The following SLC4A4 variants were observed in gnomAD, a reference collection of about 807,000 sequenced individuals.
SLC4A4 encodes the protein solute carrier family 4 member 4, also known as electrogenic sodium bicarbonate cotransporter 1.
In SLC4A4, 27 loss-of-function variants were observed where a neutral mutation model predicts 111.5. The ratio of observed to expected loss-of-function variants is 0.24; its 90% CI spans 0.18 to 0.33. The LOEUF (loss-of-function observed/expected upper bound fraction) is 0.33, where lower values mean the gene tolerates loss of function less well. Among genes scored for constraint, SLC4A4 ranks in the 10% least tolerant of loss-of-function variants. The probability of loss-of-function intolerance (pLI) is 1.00; values close to 1 mark genes in which losing one functional copy is unlikely to be tolerated. For synonymous variants in SLC4A4, 443 were observed against 463.4 expected (o/e 0.96, Z 0.57); for missense variants, 909 against 1,315.5 (o/e 0.69, Z 4.78).
intron 4 of SLC4A4, among the ~76,000 whole-genome samples, chr4:71,346,150 C>CT (rs918005547): frequency 1.3e-5 from 2 of 151,636 alleles, no homozygotes; most frequent in Non-Finnish European, 2.9e-5. Flanking sequence ...CCCAGTGGGT[C>CT]TTTTTTTTCT....
chr4:71,138,887 T>C (rs991671216), intron 2 of SLC4A4, among the ~76,000 whole-genome samples: 1 of 151,846 alleles, frequency 6.6e-6, no homozygotes, highest in Admixed American at 6.6e-5. Flanking sequence ...ATATAAAAAA[T>C]TAGCCAGGCG....
chr4:71,122,032 C>T (rs570083537), intron 2 of SLC4A4, among the ~76,000 whole-genome samples: 5 of 152,196 alleles, frequency 3.3e-5, no homozygotes, highest in African/African-American at 7.2e-5. Context: ...CTGAAGCCAG[C>T]GAGACCACGA....
chr4:71,141,904 A>G (rs1366381982), intron 2 of SLC4A4, among the ~76,000 whole-genome samples: 2 of 152,236 alleles, frequency 1.3e-5, no homozygotes, highest in Non-Finnish European at 2.9e-5. Flanking sequence ...GAAGAAGACA[A>G]TTTCATTAGC....
rs889867831 is a variant in SLC4A4 at position 71,140,917 on chromosome 4, AGTTAT to A, written c.-2+48131_-2+48135del. On this transcript the variant is annotated intron_variant, in intron 2 of 26. Transcript: ENST00000649996. ...TATATACAAAATTTGTGGGATACAA[AGTTAT>A]GTTATAATTTATGAATATAATGTGG... 3.3e-5 allele frequency among the ~76,000 whole-genome samples: 5 copies of A among 152,354 alleles called. 1 individual carries two copies. Among genetic ancestry groups the A allele is most frequent in the African/African-American group, 9.6e-5 (4 of 41,582 alleles).
intron 2 of SLC4A4, among the ~76,000 whole-genome samples, chr4:71,163,007 G>A (rs1223074923): frequency 2.0e-5 from 3 of 152,180 alleles, no homozygotes; most frequent in Non-Finnish European, 4.4e-5. Flanking sequence ...GGGTCAGGGA[G>A]CTAGAAATCA....
At chr4:71,300,836 G>A (rs1486033900) in intron 3 of SLC4A4, 9 of 455,686 alleles carry the variant, frequency 2.0e-5, no homozygotes, top group Non-Finnish European at 2.2e-5. Flanking sequence ...AAGCAGTGCT[G>A]GAGGCAGAGA....
At chr4:71,366,622 G>T (rs926280584) in intron 6 of SLC4A4, among the ~76,000 whole-genome samples, 13 of 152,128 alleles carry the variant, frequency 8.5e-5, no homozygotes, top group African/African-American at 3.1e-4. Flanking sequence ...GAATATGTAA[G>T]ATAATAGCAA....
chr4:71,382,147 A>T (rs1270286493), intron 6 of SLC4A4, among the ~76,000 whole-genome samples: 1 of 152,162 alleles, frequency 6.6e-6, no homozygotes, highest in Non-Finnish European at 1.5e-5. Flanking sequence ...GTTTTTGGTT[A>T]AGGAGTGAAT....
intron 3 of SLC4A4, among the ~76,000 whole-genome samples, chr4:71,284,992 C>G (rs568473202): frequency 3.8e-4 from 58 of 152,138 alleles, no homozygotes; most frequent in Non-Finnish European, 6.6e-4. Flanking sequence ...AGTGAGCTTT[C>G]CAACTGGTGT....
At chr4:71,427,850 G>A (rs184630864) in intron 7 of SLC4A4, among the ~76,000 whole-genome samples, 35 of 152,176 alleles carry the variant, frequency 2.3e-4, no homozygotes, top group African/African-American at 6.7e-4. Flanking sequence ...AGAGATACCC[G>A]CCATGATAGA....
At chr4:71,065,943 C>G (rs1206131522) in intron 1 of SLC4A4, among the ~76,000 whole-genome samples, 1 of 152,046 alleles carries the variant, frequency 6.6e-6, no homozygotes, top group African/African-American at 2.4e-5. Flanking sequence ...TAGATGATCA[C>G]TCCACAAGGG....
chr4:71,277,392 G>A (rs1723147838), intron 3 of SLC4A4, among the ~76,000 whole-genome samples: 7 of 151,986 alleles, frequency 4.6e-5, no homozygotes, highest in Admixed American at 3.3e-4. Flanking sequence ...TTCCCTAATG[G>A]CTAGTGGTGT....
chr4:71,087,462 A>G (rs1359770771), intron 1 of SLC4A4, among the ~76,000 whole-genome samples: 25 of 150,410 alleles, frequency 1.7e-4, no homozygotes, highest in Admixed American at 1.5e-3. Flanking sequence ...GAATGTGTTT[A>G]CTCTTGCTTC....
chr4:71,245,803 A>G (rs547322856), intron 2 of SLC4A4, among the ~76,000 whole-genome samples: 17 of 152,262 alleles, frequency 1.1e-4, no homozygotes, highest in Non-Finnish European at 1.8e-4. Context: ...GAGTGAGAAG[A>G]GGACTCGATT....
At chr4:71,201,617 A>G (rs541714791) in intron 1 of SLC4A4, among the ~76,000 whole-genome samples, 3 of 152,352 alleles carry the variant, frequency 2.0e-5, no homozygotes, top group Admixed American at 6.5e-5. Flanking sequence ...TGCATAGCAC[A>G]TAGTCAGTAT....
chr4:71,130,427 G>A (rs189681905), intron 2 of SLC4A4, among the ~76,000 whole-genome samples: 15 of 151,916 alleles, frequency 9.9e-5, no homozygotes, highest in Non-Finnish European at 2.9e-5. Flanking sequence ...TGTAGAGAAG[G>A]GGGTCTCACT....
At chr4:71,251,467 A>G (rs566506896) in intron 2 of SLC4A4, among the ~76,000 whole-genome samples, 2 of 152,362 alleles carry the variant, frequency 1.3e-5, no homozygotes, top group South Asian at 2.1e-4. Context: ...TACCCAGGAA[A>G]GCCATGTTTT....
At chr4:71,170,944 A>C (rs1430274186) in intron 2 of SLC4A4, among the ~76,000 whole-genome samples, 1 of 152,218 alleles carries the variant, frequency 6.6e-6, no homozygotes, top group Non-Finnish European at 1.5e-5. Flanking sequence ...TGGCATGAGC[A>C]AGGGACTGGG....
chr4:71,133,172 TAGA>T (rs1180633866), intron 2 of SLC4A4, among the ~76,000 whole-genome samples: 1 of 152,194 alleles, frequency 6.6e-6, no homozygotes, highest in Non-Finnish European at 1.5e-5. Context: ...TGAACCCCTC[TAGA>T]AGAATTGTAG....
Sources: gnomAD v4.1 joint callset for allele counts (sites outside exome capture counted in the v4.1 genomes callset) on GRCh38, gnomAD v4.1.1 for gene constraint, MANE v1.5 for transcripts, NCBI Gene and HGNC (gene_info 2026-07-23, HGNC 2026-07-21) for gene names.